Variants in ZNF385D observed in about 807,000 individuals in gnomAD.
The protein encoded by ZNF385D is zinc finger protein 385D, also known as zinc finger protein 659.
In ZNF385D, 15 loss-of-function variants were observed where a neutral mutation model predicts 35.8. That is an observed-to-expected ratio of 0.42 (90% confidence interval 0.28 to 0.64). The LOEUF (loss-of-function observed/expected upper bound fraction) is 0.64. ZNF385D is among the 30% of genes least tolerant of loss of function. ZNF385D has a pLI of 0.23. For synonymous variants in ZNF385D, 212 were observed against 186.8 expected, an observed-to-expected ratio of 1.13 and a Z score of -1.10; for missense variants, 474 against 494.6, an observed-to-expected ratio of 0.96 and a Z score of 0.39.
At chr3:21,925,881 T>C (rs894931295) in intron 3 of ZNF385D, among the ~76,000 whole-genome samples, 1 of 152,138 alleles carries the variant, frequency 6.6e-6, no homozygotes, top group Admixed American at 6.6e-5. Context: ...GAAAAGGCAT[T>C]TAGCATCATT....
intron 2 of ZNF385D, among the ~76,000 whole-genome samples, chr3:21,596,485 G>A (rs1279140548): frequency 6.6e-6 from 1 of 152,010 alleles, no homozygotes; most frequent in Non-Finnish European, 1.5e-5. Flanking sequence ...GTGATGTTAT[G>A]AGGAAATGAA....
chr3:21,890,818 C>G (rs910893567), intron 3 of ZNF385D, among the ~76,000 whole-genome samples: 4 of 152,134 alleles, frequency 2.6e-5, no homozygotes, highest in African/African-American at 9.7e-5. Flanking sequence ...TAAGGATTGA[C>G]TTGCATTATG....
chr3:22,185,619 C>T (rs938129052), intron 2 of ZNF385D, among the ~76,000 whole-genome samples: 1 of 152,122 alleles, frequency 6.6e-6, no homozygotes, highest in African/African-American at 2.4e-5. Context: ...AGGCACCTGC[C>T]ACCACACCCA....
At chr3:21,874,304 A>G (rs528659858) in intron 3 of ZNF385D, among the ~76,000 whole-genome samples, 2 of 152,130 alleles carry the variant, frequency 1.3e-5, no homozygotes, top group Admixed American at 6.6e-5. Context: ...TCTTCTTTGG[A>G]AAAATGTTTA....
intron 3 of ZNF385D, among the ~76,000 whole-genome samples, chr3:22,145,315 G>C (rs1053262983): frequency 1.3e-5 from 2 of 152,168 alleles, no homozygotes; most frequent in South Asian, 2.1e-4. Flanking sequence ...TTGTGAATCT[G>C]ATGTTGAAGA....
intron 3 of ZNF385D, among the ~76,000 whole-genome samples, chr3:21,537,266 G>T (rs1463462000): frequency 6.6e-6 from 1 of 151,176 alleles, no homozygotes; most frequent in East Asian, 2.0e-4. Flanking sequence ...CCAAGTAGCT[G>T]GGATTACAGG....
At chr3:22,172,790 G>T (rs963655097) in intron 2 of ZNF385D, among the ~76,000 whole-genome samples, 1 of 152,060 alleles carries the variant, frequency 6.6e-6, no homozygotes, top group African/African-American at 2.4e-5. Flanking sequence ...ATAAATGAAG[G>T]AGATAGATAC....
At chr3:22,171,547 C>A (rs1020976111) in intron 2 of ZNF385D, among the ~76,000 whole-genome samples, 2 of 152,016 alleles carry the variant, frequency 1.3e-5, no homozygotes, top group African/African-American at 4.8e-5. Flanking sequence ...AAAAAGAGAA[C>A]CTCAAATTAT....
chr3:21,642,704 T>A (rs1191636196), intron 2 of ZNF385D, among the ~76,000 whole-genome samples: 3 of 152,110 alleles, frequency 2.0e-5, no homozygotes, highest in East Asian at 3.9e-4. Context: ...ATGGCCCAAA[T>A]GGATGAATGG....
chr3:22,045,014 G>GA (rs1025656569), intron 3 of ZNF385D, among the ~76,000 whole-genome samples: 3 of 151,858 alleles, frequency 2.0e-5, no homozygotes, highest in Non-Finnish European at 4.4e-5. Flanking sequence ...ACTCAATCTC[G>GA]AAAAAACAAA....
At chr3:22,043,200 T>A (rs1338778562) in intron 3 of ZNF385D, among the ~76,000 whole-genome samples, 2 of 152,176 alleles carry the variant, frequency 1.3e-5, no homozygotes, top group African/African-American at 4.8e-5. Flanking sequence ...ACTAAATTTA[T>A]CAATGATGTA....
intron 3 of ZNF385D, among the ~76,000 whole-genome samples, chr3:21,814,260 G>C (rs1302320119): frequency 6.6e-6 from 1 of 152,276 alleles, no homozygotes; most frequent in East Asian, 1.9e-4. Flanking sequence ...AAATTGTAAA[G>C]ACCATCGATG....
At chr3:21,839,581 G>C (rs1695536051) in intron 3 of ZNF385D, among the ~76,000 whole-genome samples, 1 of 152,054 alleles carries the variant, frequency 6.6e-6, no homozygotes. Flanking sequence ...TGATAACTAA[G>C]AGGCCGACAA....
chr3:22,124,029 G>T (rs1039865883), intron 3 of ZNF385D, among the ~76,000 whole-genome samples: 1 of 141,940 alleles, frequency 7.0e-6, no homozygotes, highest in Non-Finnish European at 1.5e-5. Flanking sequence ...CAACTGCTAG[G>T]TCTTATTCAT....
At chr3:21,841,573 G>C (rs922397428) in intron 3 of ZNF385D, among the ~76,000 whole-genome samples, 1 of 151,886 alleles carries the variant, frequency 6.6e-6, no homozygotes, top group African/African-American at 2.4e-5. Context: ...CCACTGATAA[G>C]GCTGAAAATT....
intron 1 of ZNF385D, among the ~76,000 whole-genome samples, chr3:21,716,372 A>G (rs113506509): frequency 2.6e-5 from 4 of 152,140 alleles, no homozygotes; most frequent in Non-Finnish European, 5.9e-5. Context: ...TGATCACTCT[A>G]TAATCTCCCT....
chr3:21,951,991 T>G (rs866779145), intron 3 of ZNF385D, among the ~76,000 whole-genome samples: 1 of 151,644 alleles, frequency 6.6e-6, no homozygotes. Context: ...ACTCCATTAT[T>G]TTAGATCTTC....
chr3:21,874,128 A>AT (rs1229283415), intron 3 of ZNF385D, among the ~76,000 whole-genome samples: 2 of 151,696 alleles, frequency 1.3e-5, no homozygotes, highest in Non-Finnish European at 2.9e-5. Flanking sequence ...CAAGGGTTCC[A>AT]TTTTTTCCAT....
intron 1 of ZNF385D, among the ~76,000 whole-genome samples, chr3:21,676,867 G>T (rs1045239882): frequency 1.1e-4 from 17 of 151,578 alleles, no homozygotes; most frequent in African/African-American, 4.1e-4. Context: ...CAAATTGAAA[G>T]AACAACTGAT....
Sources: gnomAD v4.1 joint callset for allele counts (sites outside exome capture counted in the v4.1 genomes callset) on GRCh38, gnomAD v4.1.1 for gene constraint, MANE v1.5 for transcripts, NCBI Gene and HGNC (gene_info 2026-07-23, HGNC 2026-07-21) for gene names.